MZT2A: variants seen among roughly 807,000 people sequenced by gnomAD.
MZT2A encodes the protein mitotic-spindle organizing protein 2A.
A neutral mutation model predicts 12.4 loss-of-function variants in MZT2A; 8 were observed. The observed-to-expected ratio is 0.64, with a 90% CI of 0.38 to 1.16. MZT2A has a LOEUF of 1.16. Among genes scored for constraint, MZT2A ranks in the 50% most tolerant of loss-of-function variants. The probability of loss-of-function intolerance (pLI) is 0.01; values close to 1 mark genes in which losing one functional copy is unlikely to be tolerated. For synonymous variants in MZT2A, 88 were observed against 107.5 expected (o/e 0.82, Z 1.12); for missense variants, 181 against 223.6 (o/e 0.81, Z 1.22).
chr2:131,478,209 G>A (rs530707778), intron 2 of MZT2A: 6 of 1,614,114 alleles, frequency 3.7e-6, no homozygotes, highest in East Asian at 4.5e-5. Context: ...TGTCCAGATC[G>A]GCAATGCCTG....
chr2:131,470,606 TTACAGCA>T (rs1233494199), intron 3 of MZT2A, among the ~76,000 whole-genome samples: 1 of 152,224 alleles, frequency 6.6e-6, no homozygotes, highest in East Asian at 1.9e-4. Context: ...ATGGAGTAAC[TTACAGCA>T]GGACAGCTGG....
chr2:131,492,165 G>C, intron 1 of MZT2A, 42 bp downstream of exon 1: 1 of 1,536,734 alleles, frequency 6.5e-7, no homozygotes, highest in East Asian at 2.4e-5. Context: ...GCAGAGGTCG[G>C]GGGTGTCTGG....
At chr2:131,490,601 C>T in intron 2 of MZT2A, 11 of 1,545,252 alleles carry the variant, frequency 7.1e-6, no homozygotes, top group Non-Finnish European at 9.6e-6. Context: ...CAGCGGTGGC[C>T]TGCATGATCC....
chr2:131,475,193 C>A (rs1171155017), intron 2 of MZT2A, among the ~76,000 whole-genome samples: 2 of 152,040 alleles, frequency 1.3e-5, no homozygotes, highest in African/African-American at 4.8e-5. Flanking sequence ...GTTGCCCAGG[C>A]TGGTCTTGAA....
chr2:131,488,743 C>T (rs1363454205), intron 2 of MZT2A, among the ~76,000 whole-genome samples: 1 of 152,132 alleles, frequency 6.6e-6, no homozygotes, highest in Non-Finnish European at 1.5e-5. Flanking sequence ...CCTCAGGTTC[C>T]ACTCTATCCC....
intron 2 of MZT2A, among the ~76,000 whole-genome samples, chr2:131,487,805 C>T (rs1679115872): frequency 6.6e-6 from 1 of 152,230 alleles, no homozygotes; most frequent in African/African-American, 2.4e-5. Flanking sequence ...CTCACTCTCT[C>T]ACCCAGGCTG....
chr2:131,480,811 C>T (rs1432443406), downstream of MZT2A: 41 of 1,569,590 alleles, frequency 2.6e-5, no homozygotes, highest in South Asian at 1.9e-4. Flanking sequence ...AACACTGGCC[C>T]TGAAGGCCCA....
At chr2:131,470,889 A>C (rs2105262500) in intron 3 of MZT2A, among the ~76,000 whole-genome samples, 1 of 147,376 alleles carries the variant, frequency 6.8e-6, no homozygotes, top group Non-Finnish European at 1.5e-5. Flanking sequence ...TCTTAAAAAA[A>C]CTAAAAAAGA....
chr2:131,482,932 C>G, downstream of MZT2A: 1 of 1,551,310 alleles, frequency 6.4e-7, no homozygotes, highest in Non-Finnish European at 8.7e-7. Flanking sequence ...TGTATAAAAC[C>G]AAGCCCTCTG....
At chr2:131,485,933 T>G (rs1386099315) in intron 2 of MZT2A, among the ~76,000 whole-genome samples, 4 of 151,762 alleles carry the variant, frequency 2.6e-5, no homozygotes, top group Non-Finnish European at 4.4e-5. Context: ...TACCACAAAA[T>G]TCTCCCCATA....
chr2:131,483,123 T>C (rs1016909768), downstream of MZT2A, among the ~76,000 whole-genome samples: 12 of 152,088 alleles, frequency 7.9e-5, no homozygotes, highest in Non-Finnish European at 1.6e-4. Context: ...CAAAGCCAGG[T>C]GTTCAATGTA....
upstream of MZT2A, chr2:131,492,557 C>T: frequency 1.3e-5 from 15 of 1,144,666 alleles, no homozygotes; most frequent in Non-Finnish European, 1.6e-5. Flanking sequence ...TGGGCGCTCA[C>T]GGTGTGCTGA....
At chr2:131,476,086 G>C in intron 2 of MZT2A, 1 of 1,541,076 alleles carries the variant, frequency 6.5e-7, no homozygotes, top group Non-Finnish European at 8.8e-7. Context: ...CCTGGCACCG[G>C]CGGGCCAATC....
intron 2 of MZT2A, among the ~76,000 whole-genome samples, chr2:131,474,332 C>T (rs13026893): frequency 0.01 from 1,552 of 151,386 alleles, 17 homozygotes; most frequent in Middle Eastern, 0.032. Flanking sequence ...CTCCTGACCT[C>T]GTGATCCGCC....
chr2:131,479,682 A>T (rs1281376524), downstream of MZT2A, among the ~76,000 whole-genome samples: 8 of 152,182 alleles, frequency 5.3e-5, no homozygotes, highest in Non-Finnish European at 1.2e-4. Context: ...TCTACTAAAA[A>T]TACAAAAATT....
upstream of MZT2A, chr2:131,493,140 G>GTCAC: frequency 6.9e-7 from 1 of 1,457,218 alleles, no homozygotes; most frequent in Non-Finnish European, 9.1e-7. Context: ...GGGTCCCACA[G>GTCAC]GTGAGTGGCG....
At chr2:131,475,852 A>G (rs1198800923) in intron 2 of MZT2A, among the ~76,000 whole-genome samples, 1 of 152,090 alleles carries the variant, frequency 6.6e-6, no homozygotes, top group African/African-American at 2.4e-5. Flanking sequence ...GAGCAAGGCA[A>G]TGTTCCGCGA....
At chr2:131,480,994 C>T (rs1678845413), downstream of MZT2A, among the ~76,000 whole-genome samples, 1 of 151,966 alleles carries the variant, frequency 6.6e-6, no homozygotes, top group African/African-American at 2.4e-5. Context: ...ACCTCTGCCT[C>T]CCGGGTTCAA....
chr2:131,490,857 G>T (rs976167027), intron 2 of MZT2A: 1 of 1,550,028 alleles, frequency 6.5e-7, no homozygotes, highest in African/African-American at 1.4e-5. Context: ...GGCCTTGCAG[G>T]GGGGCTACTG....
Sources: allele counts gnomAD v4.1 joint callset (sites outside exome capture counted in the v4.1 genomes callset), GRCh38; gene constraint gnomAD v4.1.1; transcripts MANE v1.5; gene names NCBI Gene and HGNC (gene_info 2026-07-23, HGNC 2026-07-21).